SDR39U1: variants seen among roughly 807,000 people sequenced by gnomAD.
SDR39U1 encodes epimerase family protein SDR39U1.
A neutral mutation model predicts 31.7 loss-of-function variants in SDR39U1; 29 were observed. The ratio of observed to expected loss-of-function variants is 0.92; its 90% CI spans 0.68 to 1.25. The LOEUF is 1.25. Among genes scored for constraint, SDR39U1 ranks in the 50% most tolerant of loss-of-function variants. SDR39U1 has a pLI of 0.00. For synonymous variants in SDR39U1, 147 were observed against 159.0 expected, an observed-to-expected ratio of 0.92 and a Z score of 0.57; for missense variants, 403 against 378.4, an observed-to-expected ratio of 1.06 and a Z score of -0.54.
chr14:24,441,748 G>A lies in SDR39U1; in HGVS notation c.254C>T (p.Thr85Ile), dbSNP rs2043347629. ...QKEVIGSRLE[T>I]TQLLAKAITK... ...GATGGCTTTAGCCAGCAATTGGGTG[G>A]TCTCTAGGCGGCTGCCGATTACCTC... The change falls in exon 4 of 6, where the codon ACC (threonine) becomes ATC (isoleucine). Residue 85 changes from threonine to isoleucine, a missense_variant. Physicochemically the swap from Thr to Ile is moderately conservative, Grantham distance 89. Transcript: ENST00000399395. 6.2e-7 allele frequency: 1 copy of A among 1,601,896 alleles called. No individual in the cohort carries two copies. The highest frequency in any genetic ancestry group is 1.8e-5 in the Admixed American group (1 of 55,508).
Position 24,440,133 on chromosome 14 carries a change from G to A in SDR39U1, c.832C>T (p.Gln278Ter). The change falls in exon 6 of 6, where the codon CAG becomes TAG. Residue 278 changes from glutamine (Q) to a stop codon, truncating the protein, a stop_gained. Coordinates refer to ENST00000399395, the MANE Select transcript of SDR39U1 (RefSeq NM_020195.3). LOFTEE classifies it high-confidence loss of function. ...GCCCCTAGCTCTGGGAAGGAATACT[G>A]GTAGCCAGTGGCCAGTGTTCGCTGT... ...IPQRTLATGY[Q>*]YSFPELGAAL... is the part of the protein sequence containing the mutation. The A allele has an allele frequency of 1.2e-6, 2 of 1,613,034 alleles. No individual in the cohort carries two copies. The highest frequency in any genetic ancestry group is 1.7e-6 in the Non-Finnish European group (2 of 1,179,326).
At position 24,441,629 on chromosome 14, in the gene SDR39U1, C is replaced by T. The variant is rs745889292; in HGVS notation, c.328+45G>A. The T allele has an allele frequency of 3.0e-5, 46 of 1,524,160 alleles. No homozygotes were observed. In the East Asian group the frequency reaches 7.9e-4, roughly 26 times the overall value. The allele number at this position is 1,524,160 out of a possible 1,614,324, so 94.4% of individuals were successfully genotyped here. On this transcript the variant is annotated intron_variant, in intron 4 of 5. Coordinates refer to ENST00000399395, the MANE Select transcript of SDR39U1 (RefSeq NM_020195.3). ...ATAGCTACAGAGGTCTGAGTTACCC[C>T]GTTCCCCTGGCGAATATAAGGGGCT... is the stretch of plus-strand genomic sequence containing the variant.
upstream of SDR39U1, chr14:24,442,795 G>A (rs763464819): frequency 1.9e-6 from 3 of 1,613,766 alleles, no homozygotes; most frequent in South Asian, 3.3e-5. Context: ...ACGCGCCTGC[G>A]TAAAGTTTAG....
chr14:24,440,762 A>G, intron 5 of SDR39U1, 21 bp downstream of exon 5: 1 of 1,612,524 alleles, frequency 6.2e-7, no homozygotes, highest in East Asian at 2.2e-5. Context: ...ACCCTGTCTG[A>G]TACCCAGGCC....
intron 1 of SDR39U1, 104 bp from the exon 2 acceptor site, chr14:24,442,556 AG>A (rs768558336): frequency 7.8e-7 from 1 of 1,282,828 alleles, no homozygotes; most frequent in Non-Finnish European, 1.1e-6. Flanking sequence ...ATCTGACACC[AG>A]GCTTCTCCCC....
chr14:24,440,310 C>T lies in SDR39U1; in HGVS notation c.655G>A (p.Ala219Thr), dbSNP rs1594762375. 2.5e-6 allele frequency: 4 copies of T among 1,614,000 alleles called. No individual in the cohort carries two copies. In the East Asian group the frequency reaches 8.9e-5, roughly 36 times the overall value. Residue 219 changes from alanine (A) to threonine (T), a missense_variant, in exon 6 of 6, where the codon GCT becomes ACT. Coordinates refer to ENST00000399395, the MANE Select transcript of SDR39U1 (RefSeq NM_020195.3). ...TCAGCATTAGTGGCGGAGGATGGAG[C>T]CACTCCATTCAGGACCCCGTGCACG... ...NHVHGVLNGVAPSSATNAEFA... is the reference protein window; with the variant it reads ...NHVHGVLNGVTPSSATNAEFA...
intron 4 of SDR39U1, 156 bp downstream of exon 4, chr14:24,441,518 A>G: frequency 1.6e-6 from 1 of 607,896 alleles, no homozygotes; most frequent in Non-Finnish European, 2.7e-6. Context: ...TCTTAGTGAA[A>G]GTACACAAAG....
chr14:24,441,445 T>C (rs2043336370), intron 4 of SDR39U1: 1 of 515,274 alleles, frequency 1.9e-6, no homozygotes, highest in Non-Finnish European at 3.4e-6. Context: ...GACTTTGGGA[T>C]AGGTGGACTT....
intron 4 of SDR39U1, 187 bp from the exon 5 acceptor site, chr14:24,441,113 G>T (rs2043325090): frequency 3.6e-6 from 2 of 555,632 alleles, no homozygotes; most frequent in Non-Finnish European, 6.5e-6. Flanking sequence ...GAGGAACTCT[G>T]GTTGCAGGGC....
chr14:24,442,685 G>A, intron 1 of SDR39U1, 69 bp downstream of exon 1: 1 of 1,593,282 alleles, frequency 6.3e-7, no homozygotes, highest in Non-Finnish European at 8.6e-7. Context: ...TGCCCTCCCG[G>A]AAGCGGATTC....
chr14:24,440,252 C>T lies in SDR39U1; in HGVS notation c.713G>A (p.Arg238His), dbSNP rs35580864. ...FAQTLGAALG[R>H]RAFIPLPSAV... ...GCTGGGGAGAGGGATGAAGGCTCGG[C>T]GGCCCAGGGCAGCACCCAAGGTCTG... Residue 238 changes from arginine (R) to histidine (H), a missense_variant, in exon 6 of 6, where the codon CGC becomes CAC. Physicochemically the swap from Arg to His is conservative, Grantham distance 29 (BLOSUM62 0). Coordinates refer to ENST00000399395, the MANE Select transcript of SDR39U1 (RefSeq NM_020195.3). 2,356 of 1,613,790 alleles carry T rather than the reference C, an allele frequency of 1.5e-3. 4 individuals carry two copies. The highest frequency in any genetic ancestry group is 2.2e-3 in the South Asian group (197 of 91,080).
Position 24,440,205 on chromosome 14 carries a change from C to A in SDR39U1, c.760G>T (p.Gly254Trp), listed in dbSNP as rs372475511. ...LPSAVVQAVF[G>W]RQRAIMLLEG... ...AGCAGCATGATGGCACGCTGTCGCC[C>A]AAAGACAGCTTGCACCACAGCGCTG... The change falls in exon 6 of 6, where the codon GGG (glycine) becomes TGG (tryptophan). Residue 254 changes from glycine (G) to tryptophan (W), a missense_variant. Gly to Trp is a radical substitution (Grantham distance 184). Transcript: ENST00000399395. 35 of 1,613,854 alleles carry A rather than the reference C, an allele frequency of 2.2e-5. No homozygotes were observed. Among genetic ancestry groups the A allele is most frequent in the Non-Finnish European group, 3.0e-5 (35 of 1,179,858 alleles).
In SDR39U1 at chr14:24,440,803, C is replaced by A. The variant is rs1233972788; in HGVS notation, c.452G>T (p.Arg151Leu). 4 of 1,613,776 alleles carry A rather than the reference C, an allele frequency of 2.5e-6. No individual in the cohort carries two copies. Among genetic ancestry groups the A allele is most frequent in the Middle Eastern group, 1.6e-4 (1 of 6,084 alleles). The change falls in exon 5 of 6, where the codon CGC (arginine) becomes CTC (leucine). Residue 151 changes from arginine to leucine, a missense_variant. Arg to Leu is a moderately radical substitution (Grantham distance 102). Coordinates refer to ENST00000399395, the MANE Select transcript of SDR39U1 (RefSeq NM_020195.3). The part of the protein sequence containing the change: ...AAARLPGDST[R>L]QVVVRSGVVL... The stretch of plus-strand genomic sequence containing the variant: ...CTCACCTGAGCGCACCACCACCTGG[C>A]GTGTAGAATCTCCAGGAAGCCTGGC...
At position 24,441,766 on chromosome 14, in the gene SDR39U1, ATT is replaced by A. The variant is rs766792896; in HGVS notation, c.234_235del (p.Ile79ArgfsTer12). On this transcript the variant is annotated frameshift_variant, in exon 4 of 6. Transcript: ENST00000399395. LOFTEE classifies it high-confidence loss of function. ...TTGGGTGGTCTCTAGGCGGCTGCCG[ATT>A]ACCTCTTTTTGGAAGGTTTCATTCC... The A allele has an allele frequency of 1.9e-6, 3 of 1,604,084 alleles. No individual in the cohort carries two copies. The highest frequency in any genetic ancestry group is 1.1e-5 in the South Asian group (1 of 89,070).
rs1041178823 is a variant in SDR39U1, at chr14:24,440,494, T to C, written c.473-2A>G. The C allele has an allele frequency of 6.2e-7, 1 of 1,600,594 alleles. No homozygotes were observed. Among genetic ancestry groups the C allele is most frequent in the Non-Finnish European group, 8.5e-7 (1 of 1,173,690 alleles). On this transcript the variant is annotated splice_acceptor_variant, in intron 5 of 5. Transcript: ENST00000399395. LOFTEE classifies it high-confidence loss of function. ...CACCCCCACGGCCCAGCACAACCCC[T>C]AGAGCAGGAAAGAGGGAAGGTACAG...
rs144944356 is a variant in SDR39U1, at chr14:24,442,297, TGCGCCGCCCA to T, written c.123+39_124-38del. 12,416 of 1,603,342 alleles carry T rather than the reference TGCGCCGCCCA, an allele frequency of 7.7e-3. 884 individuals carry two copies. In the African/African-American group the frequency reaches 0.15, roughly 19 times the overall value. ...AGCACACAGTGCCCCTGCCCCGCCC[TGCGCCGCCCA>T]ACTCTGCCCTCCCACCCGCTTCCAG... On this transcript the variant is annotated intron_variant, in intron 2 of 5. Transcript: ENST00000399395.
At chr14:24,441,615 G>A in intron 4 of SDR39U1, 59 bp downstream of exon 4, 4 of 1,438,356 alleles carry the variant, frequency 2.8e-6, no homozygotes, top group Non-Finnish European at 3.8e-6. Context: ...TAGCTACAGA[G>A]GTCTGAGTTA....
chr14:24,440,187 T>C lies in SDR39U1; in HGVS notation c.778A>G (p.Met260Val). Reference sequence around the variant, plus strand: ...ATCACCTTCTGGCCCTCCAGCAGCATGATGGCACGCTGTCGCCCAAAGACA... The same window carrying C: ...ATCACCTTCTGGCCCTCCAGCAGCACGATGGCACGCTGTCGCCCAAAGACA... Reference protein sequence around the residue: ...QAVFGRQRAIMLLEGQKVIPQ... With the variant: ...QAVFGRQRAIVLLEGQKVIPQ... The change falls in exon 6 of 6, where the codon ATG becomes GTG. Residue 260 changes from methionine (M) to valine (V), a missense_variant. Coordinates refer to ENST00000399395, the MANE Select transcript of SDR39U1 (RefSeq NM_020195.3). 1.9e-6 allele frequency: 3 copies of C among 1,613,940 alleles called. No homozygotes were observed. The highest frequency in any genetic ancestry group is 2.5e-6 in the Non-Finnish European group (3 of 1,179,836).
Position 24,442,760 on chromosome 14 carries a change from G to A in SDR39U1, c.10C>T (p.Leu4Phe), listed in dbSNP as rs199984887. 1.2e-6 allele frequency: 2 copies of A among 1,614,016 alleles called. No homozygotes were observed. Among genetic ancestry groups the A allele is most frequent in the Non-Finnish European group, 1.7e-6 (2 of 1,179,886 alleles). Residue 4 changes from leucine to phenylalanine, a missense_variant, in exon 1 of 6, where the codon CTT becomes TTT. Leu to Phe is a conservative substitution (Grantham distance 22). Coordinates refer to ENST00000399395, the MANE Select transcript of SDR39U1 (RefSeq NM_020195.3). MRV[L>F]VGGGTGFIGT... ...CCTTTCTGCCCTCCCTCACCCACAA[G>A]CACACGCATAGCGACTAGGACCTAA...
Sources: gnomAD v4.1 joint callset for allele counts on GRCh38, gnomAD v4.1.1 for gene constraint, MANE v1.5 for transcripts, NCBI Gene and HGNC (gene_info 2026-07-23, HGNC 2026-07-21) for gene names.